IFNGR1: variants seen among roughly 807,000 people sequenced by gnomAD.
The protein encoded by IFNGR1 is AVP, type 2.
Under a neutral mutation model 35.4 loss-of-function variants are expected in IFNGR1, and 23 were observed. That is an observed-to-expected ratio of 0.65 (90% CI 0.47 to 0.92). The LOEUF is 0.92. Ranked by LOEUF, IFNGR1 falls within the 40% of genes least tolerant of loss-of-function variation. The pLI is 0.00. For synonymous variants in IFNGR1, 199 were observed against 209.5 expected (o/e 0.95, Z 0.43); for missense variants, 533 against 583.4 (o/e 0.91, Z 0.89).
In IFNGR1 at chr6:137,201,977, AT is replaced by A. The variant is rs5880340; in HGVS notation, c.734-970del. On this transcript the variant is annotated intron_variant, in intron 5 of 6. Coordinates refer to ENST00000367739, the MANE Select transcript of IFNGR1 (RefSeq NM_000416.3). ...TTATTTTTGCAGCACAATCTTCAGT[AT>A]TTTTTTTTTTTCATAGTTCTCTCTT... Among the ~76,000 whole-genome samples, 3,125 of 146,472 alleles carry A rather than the reference AT, an allele frequency of 0.021. 210 individuals are homozygous for A. In the South Asian group the frequency reaches 0.26, roughly 12 times the overall value.
chr6:137,198,196 T>A lies in IFNGR1; in HGVS notation c.1305A>T (p.Lys435Asn), dbSNP rs779877190. Residue 435 changes from lysine (K) to asparagine (N), a missense_variant, in exon 7 of 7, where the codon AAA (lysine) becomes AAT (asparagine). Transcript: ENST00000367739. ...CTTGTCCTTCTGTTTTTATTTCACC[T>A]TTATTATTTGGGGGAAATTCTGAGT... ...LSDSEFPPNN[K>N]GEIKTEGQEL... is the part of the protein sequence containing the mutation. 1 of 1,614,132 alleles carries A rather than the reference T, an allele frequency of 6.2e-7. No individual in the cohort carries two copies. The highest frequency in any genetic ancestry group is 1.1e-5 in the South Asian group (1 of 91,082).
intron 6 of IFNGR1, 63 bp downstream of exon 6, chr6:137,200,818 A>G (rs1779259579): frequency 7.7e-7 from 1 of 1,306,308 alleles, no homozygotes; most frequent in Non-Finnish European, 1.1e-6. Flanking sequence ...ACATAATTTA[A>G]GAAACTATCA....
chr6:137,207,585 C>T (rs1002123914), intron 1 of IFNGR1, among the ~76,000 whole-genome samples: 26 of 152,082 alleles, frequency 1.7e-4, no homozygotes, highest in African/African-American at 3.9e-4. Context: ...GTGCTATTTT[C>T]GTGATAGTGA....
intron 1 of IFNGR1, among the ~76,000 whole-genome samples, chr6:137,214,210 G>C (rs1779638853): frequency 6.6e-6 from 1 of 152,080 alleles, no homozygotes; most frequent in Non-Finnish European, 1.5e-5. Context: ...TGTCACAAAG[G>C]TTTCATCTGC....
rs546121815 is a variant in IFNGR1 at position 137,206,138 on chromosome 6, T to C, written c.371A>G (p.Asp124Gly). ...AKSEEFAVCR[D>G]GKIGPPKLDI... ...ACATGTGTACACATTCTACTCACCA[T>C]CTCGGCATACAGCAAATTCTTCTGA... Residue 124 changes from aspartate (D) to glycine (G), a missense_variant and splice_region_variant, in exon 3 of 7, where the codon GAT becomes GGT. Transcript: ENST00000367739. 1.2e-6 allele frequency: 2 copies of C among 1,613,384 alleles called. No homozygotes were observed. The highest frequency in any genetic ancestry group is 1.7e-5 in the Admixed American group (1 of 60,034).
intron 3 of IFNGR1, among the ~76,000 whole-genome samples, chr6:137,204,855 T>C (rs1779393209): frequency 6.6e-6 from 1 of 152,222 alleles, no homozygotes; most frequent in African/African-American, 2.4e-5. Context: ...TTTGCTTCTG[T>C]GGATTAAGAA....
At chr6:137,218,579 G>C (rs1779762251) in intron 1 of IFNGR1, 1 of 1,036,536 alleles carries the variant, frequency 9.6e-7, no homozygotes, top group Non-Finnish European at 1.3e-6. Context: ...CCTACCCTAA[G>C]CACTTTGAGT....
At chr6:137,210,928 T>C (rs1246839250) in intron 1 of IFNGR1, among the ~76,000 whole-genome samples, 1 of 152,218 alleles carries the variant, frequency 6.6e-6, no homozygotes, top group Non-Finnish European at 1.5e-5. Flanking sequence ...GAACATGGAT[T>C]AAGAGTTTTT....
chr6:137,207,159 T>C, intron 1 of IFNGR1, 82 bp from the exon 2 acceptor site: 1 of 1,555,072 alleles, frequency 6.4e-7, no homozygotes, highest in Non-Finnish European at 8.7e-7. Flanking sequence ...AGATGCCACA[T>C]TGCCCAGATA....
At chr6:137,215,464 G>A (rs1361031880) in intron 1 of IFNGR1, 2 of 753,428 alleles carry the variant, frequency 2.7e-6, no homozygotes, top group Admixed American at 3.5e-5. Flanking sequence ...TGATTACTAT[G>A]CATTAGGATA....
Position 137,203,403 on chromosome 6 carries a change from G to C in IFNGR1, c.733+96C>G, listed in dbSNP as rs978295578. ...AATGCAAATGAATATTGTTAAAACA[G>C]ATCTTTTGAAACTGCAAATGAGTTT... On this transcript the variant is annotated intron_variant, in intron 5 of 6. Transcript: ENST00000367739. The C allele has an allele frequency of 6.7e-6, 5 of 751,130 alleles. No individual in the cohort carries two copies. In the African/African-American group the frequency reaches 8.7e-5, roughly 13 times the overall value. The allele number at this position is 751,130 out of a possible 1,614,324, so 46.5% of individuals were successfully genotyped here. A position where few individuals can be genotyped will look rare whatever the true frequency, so the allele number is the denominator to read the frequency against.
chr6:137,206,011 A>C (rs1779419427), intron 3 of IFNGR1, 125 bp downstream of exon 3: 1 of 817,438 alleles, frequency 1.2e-6, no homozygotes, highest in Non-Finnish European at 2.0e-6. Context: ...ACTGACTCTA[A>C]ATTCCTCCAA....
intron 1 of IFNGR1, among the ~76,000 whole-genome samples, chr6:137,215,935 C>T (rs1779685851): frequency 6.6e-6 from 1 of 152,160 alleles, no homozygotes; most frequent in Non-Finnish European, 1.5e-5. Context: ...TGGTCTTGAA[C>T]TTCTGGGCTC....
At chr6:137,211,075 G>A (rs1426219478) in intron 1 of IFNGR1, among the ~76,000 whole-genome samples, 2 of 152,064 alleles carry the variant, frequency 1.3e-5, no homozygotes, top group African/African-American at 4.8e-5. Flanking sequence ...GGCAATCAAT[G>A]TCTGTAGACA....
intron 1 of IFNGR1, chr6:137,215,238 A>G (rs1206227064): frequency 6.5e-7 from 1 of 1,540,048 alleles, no homozygotes; most frequent in Non-Finnish European, 8.7e-7. Flanking sequence ...CATCTTTGTG[A>G]TCGTTTAATA....
intron 1 of IFNGR1, among the ~76,000 whole-genome samples, chr6:137,217,492 C>A (rs141674242): frequency 6.6e-6 from 1 of 152,280 alleles, no homozygotes; most frequent in Non-Finnish European, 1.5e-5. Context: ...CCTAGCTGGG[C>A]AAATCAGAGC....
intron 4 of IFNGR1, among the ~76,000 whole-genome samples, 200 bp from the exon 5 acceptor site, chr6:137,203,885 T>C (rs1779360475): frequency 1.3e-5 from 2 of 152,204 alleles, no homozygotes. Context: ...ATATTCCTTA[T>C]AAAAATGGTA....
rs41288981 is a variant in IFNGR1, at chr6:137,204,389, G to A, written c.489C>T (p.Pro163=). Residue 163 remains proline (P), a synonymous_variant, in exon 4 of 7, where the codon CCC becomes CCT. Coordinates refer to ENST00000367739, the MANE Select transcript of IFNGR1 (RefSeq NM_000416.3). The part of the protein sequence containing the change: ...NGDEQEVDYD[P]ETTCYIRVYN... ...ACACCCTAATGTAACAGGTAGTTTCGGGATCATAATCGACTTCCTGCTCGT... is the reference window on the plus strand; with the variant it reads ...ACACCCTAATGTAACAGGTAGTTTCAGGATCATAATCGACTTCCTGCTCGT... 8.2e-3 allele frequency: 13,202 copies of A among 1,613,648 alleles called. 78 individuals carry two copies. Among genetic ancestry groups the A allele is most frequent in the Non-Finnish European group, 9.5e-3 (11,226 of 1,179,666 alleles).
At chr6:137,215,295 A>C in intron 1 of IFNGR1, 2 of 1,549,214 alleles carry the variant, frequency 1.3e-6, no homozygotes, top group Non-Finnish European at 1.7e-6. Context: ...ATTGGAGAAG[A>C]CTATTTTCTG....
Sources: gnomAD v4.1 joint callset for allele counts (sites outside exome capture counted in the v4.1 genomes callset) on GRCh38, gnomAD v4.1.1 for gene constraint, MANE v1.5 for transcripts, NCBI Gene and HGNC (gene_info 2026-07-23, HGNC 2026-07-21) for gene names.